SPIN1: variants seen among roughly 807,000 people sequenced by gnomAD.
SPIN1 encodes the protein spindlin-1.
Under a neutral mutation model 26.0 loss-of-function variants are expected in SPIN1, and 3 were observed. The observed-to-expected ratio is 0.12, with a 90% CI of 0.05 to 0.30. The LOEUF (loss-of-function observed/expected upper bound fraction) is 0.30, where lower values mean the gene tolerates loss of function less well. Ranked by LOEUF, SPIN1 falls within the 10% of genes least tolerant of loss-of-function variation. The pLI, the probability that SPIN1 is intolerant of heterozygous loss-of-function variation, is 1.00. For synonymous variants in SPIN1, 101 were observed against 116.5 expected (o/e 0.87, Z 0.86); for missense variants, 126 against 333.4 (o/e 0.38, Z 4.84).
At chr9:88,425,739 T>A (rs764835171) in intron 1 of SPIN1, among the ~76,000 whole-genome samples, 8 of 152,038 alleles carry the variant, frequency 5.3e-5, no homozygotes, top group Non-Finnish European at 2.9e-5. Flanking sequence ...GGTGAGGAAC[T>A]GTCTTTGAGG....
At chr9:88,451,410 G>A (rs1054188724) in intron 3 of SPIN1, among the ~76,000 whole-genome samples, 2 of 152,164 alleles carry the variant, frequency 1.3e-5, no homozygotes, top group Non-Finnish European at 2.9e-5. Flanking sequence ...ATATAGCTGG[G>A]TTTGTGTTTT....
At chr9:88,431,151 C>T (rs1827861620) in intron 2 of SPIN1, among the ~76,000 whole-genome samples, 1 of 151,910 alleles carries the variant, frequency 6.6e-6, no homozygotes, top group Admixed American at 6.6e-5. Context: ...TCCCAGAGTG[C>T]TGGGATTATA....
chr9:88,411,452 T>A (rs1269551837), intron 1 of SPIN1: 5 of 1,379,314 alleles, frequency 3.6e-6, no homozygotes, highest in Admixed American at 1.9e-5. Flanking sequence ...AGGAGACTTG[T>A]GACTTAGACA....
chr9:88,429,844 G>C (rs1226275450), intron 2 of SPIN1, among the ~76,000 whole-genome samples: 2 of 152,232 alleles, frequency 1.3e-5, no homozygotes, highest in African/African-American at 4.8e-5. Flanking sequence ...TCCCCATCCT[G>C]AAGCTGTCTC....
In SPIN1 at chr9:88,406,005, CTGTGTG is replaced by C. The variant is rs745317937; in HGVS notation, c.-159+17499_-159+17504del. ...ATGCCACCGTGCCTGGCTTGTGTGT[CTGTGTG>C]TGTGTGTGTGTGTGTGTGTGTGTGT... On this transcript the variant is annotated intron_variant, in intron 1 of 5. Coordinates refer to ENST00000375859, the MANE Select transcript of SPIN1 (RefSeq NM_006717.3). Among the ~76,000 whole-genome samples the C allele has an allele frequency of 6.6e-3, 686 of 103,336 alleles. 4 individuals carry two copies. Among genetic ancestry groups the C allele is most frequent in the Middle Eastern group, 0.02 (4 of 202 alleles). The allele number at this position is 103,336 out of a possible 152,430, so 67.8% of individuals were successfully genotyped here.
intron 5 of SPIN1, among the ~76,000 whole-genome samples, chr9:88,473,032 G>T (rs1384129836): frequency 1.3e-5 from 2 of 152,022 alleles, no homozygotes; most frequent in African/African-American, 2.4e-5. Context: ...TTCTTCCTAT[G>T]AATAAGTTAG....
intron 1 of SPIN1, among the ~76,000 whole-genome samples, chr9:88,401,466 A>G (rs1246979214): frequency 2.0e-5 from 3 of 152,190 alleles, no homozygotes; most frequent in Non-Finnish European, 4.4e-5. Context: ...ACCAAAATCC[A>G]TGGATGCTCA....
At chr9:88,420,967 A>G (rs1280174963) in intron 1 of SPIN1, among the ~76,000 whole-genome samples, 1 of 152,168 alleles carries the variant, frequency 6.6e-6, no homozygotes, top group Non-Finnish European at 1.5e-5. Flanking sequence ...TGCTCATTGG[A>G]TGCTCATTCT....
At chr9:88,471,671 A>G (rs1027284255) in intron 5 of SPIN1, among the ~76,000 whole-genome samples, 30 of 151,224 alleles carry the variant, frequency 2.0e-4, no homozygotes, top group African/African-American at 7.3e-4. Context: ...AAAAAAAAAA[A>G]AAAAAAAAGA....
rs183871093 is a variant in SPIN1, at chr9:88,410,634, G to T, written c.-158-15748G>T. 1.5e-4 allele frequency: 163 copies of T among 1,081,662 alleles called. No individual in the cohort carries two copies. In the African/African-American group the frequency reaches 2.3e-3, roughly 15 times the overall value. The allele number at this position is 1,081,662 out of a possible 1,614,324, so 67.0% of individuals were successfully genotyped here. Reference sequence around the variant, plus strand: ...AGTATTGGCCTCCACCACCATAGGGGCCAGAGCTTCTGCCTCCAAAGTTTC... The same window carrying T: ...AGTATTGGCCTCCACCACCATAGGGTCCAGAGCTTCTGCCTCCAAAGTTTC... On this transcript the variant is annotated intron_variant, in intron 1 of 5. Coordinates refer to ENST00000375859, the MANE Select transcript of SPIN1 (RefSeq NM_006717.3).
At chr9:88,462,381 T>C in intron 3 of SPIN1, 115 bp from the exon 4 acceptor site, 2 of 1,406,770 alleles carry the variant, frequency 1.4e-6, no homozygotes, top group Non-Finnish European at 1.9e-6. Flanking sequence ...CAAACATGAG[T>C]TTGTACATAT....
chr9:88,432,569 C>G (rs908827287), intron 2 of SPIN1, among the ~76,000 whole-genome samples: 1 of 151,882 alleles, frequency 6.6e-6, no homozygotes, highest in African/African-American at 2.4e-5. Flanking sequence ...ACTGTAACCT[C>G]TGCTTCCCCT....
At position 88,475,304 on chromosome 9, in the gene SPIN1, G is replaced by A. The variant is rs1202399536; in HGVS notation, c.*27G>A. The A allele has an allele frequency of 1.2e-6, 2 of 1,601,036 alleles. No individual in the cohort carries two copies. The highest frequency in any genetic ancestry group is 4.5e-5 in the East Asian group (2 of 44,694). On this transcript the variant is annotated 3_prime_UTR_variant, in exon 6 of 6. Transcript: ENST00000375859. ...TGTCATCACAAACTCTGCCAAATTT[G>A]TGGAACTATGAAATGTATTATTTGT...
chr9:88,389,664 C>G lies in SPIN1; in HGVS notation c.-159+1126C>G, dbSNP rs117139802. ...TCTTAAAGGATTTCACTCTACATGA[C>G]TTGTGCCAGAGACGACACACGTACC... On this transcript the variant is annotated intron_variant, in intron 1 of 5. Coordinates refer to ENST00000375859, the MANE Select transcript of SPIN1 (RefSeq NM_006717.3). 3.7e-3 allele frequency among the ~76,000 whole-genome samples: 559 copies of G among 150,508 alleles called. 3 individuals are homozygous for G. The highest frequency in any genetic ancestry group is 5.6e-3 in the South Asian group (27 of 4,790).
intron 2 of SPIN1, among the ~76,000 whole-genome samples, chr9:88,428,135 A>G (rs765411777): frequency 2.6e-5 from 4 of 152,308 alleles, no homozygotes; most frequent in East Asian, 1.9e-4. Flanking sequence ...AAGTTCATAT[A>G]TGTACAGCAT....
chr9:88,404,083 T>C (rs1238991734), intron 1 of SPIN1, among the ~76,000 whole-genome samples: 1 of 152,112 alleles, frequency 6.6e-6, no homozygotes, highest in African/African-American at 2.4e-5. Context: ...TGGAACACAA[T>C]GGTAAGTAAT....
chr9:88,442,884 G>A (rs1828165102), intron 2 of SPIN1, among the ~76,000 whole-genome samples: 1 of 151,910 alleles, frequency 6.6e-6, no homozygotes, highest in Non-Finnish European at 1.5e-5. Flanking sequence ...CACTTTGGGA[G>A]GCTGAGGCGG....
At chr9:88,407,022 T>A (rs896408326) in intron 1 of SPIN1, among the ~76,000 whole-genome samples, 1 of 152,026 alleles carries the variant, frequency 6.6e-6, no homozygotes, top group Non-Finnish European at 1.5e-5. Flanking sequence ...ATCCTCCATC[T>A]TGTAACATTT....
intron 3 of SPIN1, among the ~76,000 whole-genome samples, chr9:88,452,686 A>G (rs887525246): frequency 3.3e-5 from 5 of 152,218 alleles, no homozygotes; most frequent in African/African-American, 7.2e-5. Flanking sequence ...TTTAGGGTCT[A>G]TCTTGTTTTA....
Sources: allele counts gnomAD v4.1 joint callset (sites outside exome capture counted in the v4.1 genomes callset), GRCh38; gene constraint gnomAD v4.1.1; transcripts MANE v1.5; gene names NCBI Gene and HGNC (gene_info 2026-07-23, HGNC 2026-07-21).